The following TEKTL1 variants were observed in gnomAD, a reference collection of about 807,000 sequenced individuals.
TEKTL1 encodes the protein tektin-like protein 1.
chr19:15,020,012 CA>C, the TEKTL1 span, among the ~76,000 whole-genome samples: 15,706 of 136,430 alleles, frequency 0.12, 884 homozygotes, highest in South Asian at 0.24. Flanking sequence ...TTACCAGTAT[CA>C]AAAAAAAAAA....
the TEKTL1 span, among the ~76,000 whole-genome samples, chr19:15,017,733 G>T: frequency 6.6e-6 from 1 of 151,954 alleles, no homozygotes; most frequent in Non-Finnish European, 1.5e-5. Flanking sequence ...ACAGAGCCAG[G>T]CACAGAAACC....
the TEKTL1 span, chr19:15,011,154 C>G: frequency 1.1e-5 from 17 of 1,528,098 alleles, no homozygotes; most frequent in Admixed American, 2.8e-4. Context: ...GCCCGCCTGC[C>G]GCTACCCTTG....
chr19:15,015,521 A>G, the TEKTL1 span, among the ~76,000 whole-genome samples: 13 of 150,120 alleles, frequency 8.7e-5, no homozygotes, highest in East Asian at 2.5e-3. Flanking sequence ...TCCTCTGTCA[A>G]TCCTATAATT....
At chr19:15,017,957 G>A in the TEKTL1 span, among the ~76,000 whole-genome samples, 4 of 152,146 alleles carry the variant, frequency 2.6e-5, no homozygotes, top group Admixed American at 2.6e-4. Flanking sequence ...TACTTTGGGA[G>A]GCTGAGGCAG....
the TEKTL1 span, among the ~76,000 whole-genome samples, chr19:15,018,013 A>G: frequency 6.6e-6 from 1 of 152,148 alleles, no homozygotes; most frequent in African/African-American, 2.4e-5. Context: ...TGAGCAACAT[A>G]GCATCACTCT....
At chr19:15,011,284 G>T in the TEKTL1 span, 1 of 1,523,338 alleles carries the variant, frequency 6.6e-7, no homozygotes, top group African/African-American at 1.4e-5. Context: ...GGGTGCGACA[G>T]CTGCTGCGCC....
At chr19:15,021,869 T>C in the TEKTL1 span, 1 of 1,614,056 alleles carries the variant, frequency 6.2e-7, no homozygotes, top group East Asian at 2.2e-5. Context: ...GGTTCGCATG[T>C]ACCAGAGACA....
At chr19:15,011,860 G>A in the TEKTL1 span, among the ~76,000 whole-genome samples, 6,183 of 152,182 alleles carry the variant, frequency 0.041, 156 homozygotes, top group African/African-American at 0.074. Flanking sequence ...AGGCCTTGGT[G>A]TGAGGACCGC....
chr19:15,019,283 G>A, the TEKTL1 span, among the ~76,000 whole-genome samples: 1 of 152,008 alleles, frequency 6.6e-6, no homozygotes. Flanking sequence ...GTGTTTATAG[G>A]TCAAAACATC....
At chr19:15,021,331 C>T in the TEKTL1 span, 1 of 1,610,744 alleles carries the variant, frequency 6.2e-7, no homozygotes, top group Non-Finnish European at 8.5e-7. Flanking sequence ...GGCACCCCCA[C>T]GCGCATCCTG....
the TEKTL1 span, chr19:15,020,386 G>A: frequency 7.8e-7 from 1 of 1,280,822 alleles, no homozygotes; most frequent in Non-Finnish European, 1.1e-6. Context: ...CAAGCCTGCA[G>A]CAGAGAAATC....
At chr19:15,012,425 C>A in the TEKTL1 span, among the ~76,000 whole-genome samples, 1 of 152,090 alleles carries the variant, frequency 6.6e-6, no homozygotes, top group Non-Finnish European at 1.5e-5. Context: ...AATAGTCAGG[C>A]ATGGTGGTGC....
At chr19:15,021,488 C>T in the TEKTL1 span, 1 of 1,614,118 alleles carries the variant, frequency 6.2e-7, no homozygotes, top group South Asian at 1.1e-5. Context: ...GCCTCGCTGG[C>T]GCAGAAGGCG....
At chr19:15,020,524 C>T in the TEKTL1 span, 1 of 1,613,972 alleles carries the variant, frequency 6.2e-7, no homozygotes, top group Non-Finnish European at 8.5e-7. Flanking sequence ...AGCCGTGGAC[C>T]TCATGAACCA....
chr19:15,014,738 C>CGGGGAGGGGG, the TEKTL1 span, among the ~76,000 whole-genome samples: 1 of 29,804 alleles, frequency 3.4e-5, no homozygotes, highest in African/African-American at 1.3e-4. Flanking sequence ...GGGCGGGGGG[C>CGGGGAGGGGG]GGGGGCTGCT....
the TEKTL1 span, chr19:15,020,396 C>G: frequency 1.4e-6 from 2 of 1,379,482 alleles, no homozygotes; most frequent in Admixed American, 1.9e-5. Context: ...GCAGAGAAAT[C>G]ACTTGCATCC....
chr19:15,016,185 CTT>C, the TEKTL1 span, among the ~76,000 whole-genome samples: 13,088 of 65,544 alleles, frequency 0.2, 520 homozygotes, highest in Middle Eastern at 0.26. Context: ...GACAGCTGTC[CTT>C]TTTTTTTTTT....
the TEKTL1 span, among the ~76,000 whole-genome samples, chr19:15,014,726 G>C: frequency 2.4e-5 from 3 of 126,516 alleles, no homozygotes; most frequent in African/African-American, 9.3e-5. Context: ...GACTCAGTGG[G>C]GGGGCGGGGG....
chr19:15,019,350 C>T, the TEKTL1 span, among the ~76,000 whole-genome samples: 2 of 151,964 alleles, frequency 1.3e-5, no homozygotes, highest in African/African-American at 4.8e-5. Flanking sequence ...CTCAATAAAG[C>T]TGGGAAAATT....
Sources: allele counts gnomAD v4.1 joint callset (sites outside exome capture counted in the v4.1 genomes callset), GRCh38; gene constraint gnomAD v4.1.1; transcripts MANE v1.5; gene names NCBI Gene and HGNC (gene_info 2026-07-23, HGNC 2026-07-21).